ASAH1: variants seen among roughly 807,000 people sequenced by gnomAD.
ASAH1 encodes the protein N-acylsphingosine amidohydrolase 1.
A neutral mutation model predicts 59.5 loss-of-function variants in ASAH1; 70 were observed. The ratio of observed to expected loss-of-function variants is 1.18; its 90% CI spans 0.97 to 1.43. ASAH1 has a LOEUF of 1.43. Ranked by LOEUF, ASAH1 falls within the 40% of genes most tolerant of loss-of-function variation. ASAH1 has a pLI of 0.00. For synonymous variants in ASAH1, 213 were observed against 166.5 expected, an observed-to-expected ratio of 1.28 and a Z score of -2.15; for missense variants, 660 against 482.5, an observed-to-expected ratio of 1.37 and a Z score of -3.45.
At chr8:18,084,614 A>G (rs1800818870), upstream of ASAH1, 2 of 1,606,266 alleles carry the variant, frequency 1.2e-6, no homozygotes, top group African/African-American at 2.7e-5. Context: ...GGAGCAGTTG[A>G]GTGGCCGAGG....
intron 1 of ASAH1, among the ~76,000 whole-genome samples, chr8:18,082,759 C>T (rs1444309037): frequency 6.6e-6 from 1 of 152,126 alleles, no homozygotes. Flanking sequence ...TCAAAGAACA[C>T]TAAACCCAAT....
At position 18,062,267 on chromosome 8, in the gene ASAH1, C is replaced by G. The variant is rs1432717481; in HGVS notation, c.648+12G>C. 1.2e-6 allele frequency: 2 copies of G among 1,614,030 alleles called. No homozygotes were observed. Among genetic ancestry groups the G allele is most frequent in the African/African-American group, 2.7e-5 (2 of 74,916 alleles). On this transcript the variant is annotated intron_variant, in intron 8 of 13. Transcript: ENST00000637790. ...GGCTACCTGTATAATTATGTAACAA[C>G]AGACTCCTTACTGGTTTGAATCCTG...
intron 6 of ASAH1, 126 bp from the exon 7 acceptor site, chr8:18,063,356 T>A: frequency 1.1e-6 from 1 of 874,192 alleles, no homozygotes; most frequent in Non-Finnish European, 1.9e-6. Flanking sequence ...CAGACTGGAG[T>A]GCAGTGGTGC....
At chr8:18,075,705 C>A (rs1006731021) in intron 1 of ASAH1, 118 bp from the exon 2 acceptor site, 2 of 843,458 alleles carry the variant, frequency 2.4e-6, no homozygotes, top group South Asian at 1.4e-5. Flanking sequence ...CTCTTTTATA[C>A]GTTTCAATGC....
chr8:18,083,744 G>A (rs896767373), intron 1 of ASAH1, among the ~76,000 whole-genome samples: 1 of 152,242 alleles, frequency 6.6e-6, no homozygotes, highest in Non-Finnish European at 1.5e-5. Flanking sequence ...CAGGTATCCT[G>A]CAGAGACTAG....
intron 6 of ASAH1, 29 bp downstream of exon 6, chr8:18,064,428 C>T (rs747039891): frequency 1.5e-5 from 21 of 1,427,842 alleles, no homozygotes; most frequent in Non-Finnish European, 1.6e-5. Flanking sequence ...GTGCTTCATG[C>T]TGCCCACCCT....
chr8:18,069,112 G>A (rs1800051364), intron 4 of ASAH1, among the ~76,000 whole-genome samples: 1 of 142,234 alleles, frequency 7.0e-6, no homozygotes, highest in Admixed American at 7.4e-5. Flanking sequence ...GTGCACTCCA[G>A]CCTGGGCTAC....
Position 18,056,284 on chromosome 8 carries a change from G to C in ASAH1, c.*1250C>G, listed in dbSNP as rs1374232657. On this transcript the variant is annotated 3_prime_UTR_variant, in exon 14 of 14. Coordinates refer to ENST00000637790, the MANE Select transcript of ASAH1 (RefSeq NM_177924.5). Reference sequence around the variant, plus strand: ...CTGGTTAAGAGGTGGTATCAGTCATGTAAGAGTAAGATTGTGACCGTTTAG... The same window carrying C: ...CTGGTTAAGAGGTGGTATCAGTCATCTAAGAGTAAGATTGTGACCGTTTAG... 6.6e-6 allele frequency: 1 copy of C among 152,186 alleles called. No individual in the cohort carries two copies. Among genetic ancestry groups the C allele is most frequent in the African/African-American group, 2.4e-5 (1 of 41,444 alleles). The allele number at this position is 152,186 out of a possible 1,614,324, so 9.4% of individuals were successfully genotyped here. A position where few individuals can be genotyped will look rare whatever the true frequency, so the allele number is the denominator to read the frequency against.
intron 7 of ASAH1, 182 bp from the exon 8 acceptor site, chr8:18,062,605 A>C (rs1162075042): frequency 6.0e-6 from 4 of 671,696 alleles, no homozygotes; most frequent in Non-Finnish European, 1.0e-5. Context: ...TGAGGTTCAG[A>C]GAAGTCAGGT....
intron 7 of ASAH1, chr8:18,062,933 C>T (rs183435272): frequency 9.4e-6 from 4 of 426,024 alleles, no homozygotes; most frequent in African/African-American, 2.1e-5. Context: ...TGCAGTGGCG[C>T]GATCTCGGCT....
intron 1 of ASAH1, among the ~76,000 whole-genome samples, chr8:18,079,295 A>AAAT (rs1800550094): frequency 6.6e-5 from 10 of 150,466 alleles, no homozygotes; most frequent in Admixed American, 6.6e-5. Context: ...AAAACAAAAA[A>AAAT]CTCTCTGGAA....
chr8:18,084,408 C>CGTGGCGCCTCGAT (rs1451406300), upstream of ASAH1: 145 of 1,393,126 alleles, frequency 1.0e-4, no homozygotes, highest in Non-Finnish European at 1.3e-4. Context: ...GAGCTTCACC[C>CGTGGCGCCTCGAT]GTGGCGCCTC....
At chr8:18,060,941 C>T (rs1275390200) in intron 10 of ASAH1, 9 of 174,288 alleles carry the variant, frequency 5.2e-5, no homozygotes, top group Non-Finnish European at 9.8e-5. Flanking sequence ...TTTATAGAGA[C>T]GGGGTTTCGC....
chr8:18,065,448 A>G (rs1054107732), intron 5 of ASAH1: 1 of 152,262 alleles, frequency 6.6e-6, no homozygotes, highest in East Asian at 1.9e-4. Flanking sequence ...CAAATTCTCA[A>G]TCATCTCATA....
At chr8:18,080,953 A>G (rs2117097245) in intron 1 of ASAH1, among the ~76,000 whole-genome samples, 1 of 152,150 alleles carries the variant, frequency 6.6e-6, no homozygotes, top group Admixed American at 6.5e-5. Context: ...CTCTTTCTCT[A>G]TCCTATTTCT....
intron 1 of ASAH1, among the ~76,000 whole-genome samples, chr8:18,077,253 C>T (rs1800441987): frequency 6.6e-6 from 1 of 152,170 alleles, no homozygotes; most frequent in South Asian, 2.1e-4. Context: ...CCAATATTTT[C>T]CACAAAATAT....
intron 1 of ASAH1, among the ~76,000 whole-genome samples, chr8:18,077,379 C>A (rs1430776053): frequency 6.6e-6 from 1 of 152,214 alleles, no homozygotes; most frequent in Non-Finnish European, 1.5e-5. Context: ...TTACTACTGT[C>A]AATTTTTATA....
intron 13 of ASAH1, chr8:18,058,471 C>A: frequency 4.7e-6 from 1 of 210,714 alleles, no homozygotes; most frequent in Non-Finnish European, 9.5e-6. Flanking sequence ...AAACCCGAAC[C>A]CACCAAGACA....
At chr8:18,084,419 G>A (rs1800809339), upstream of ASAH1, 3 of 1,377,320 alleles carry the variant, frequency 2.2e-6, no homozygotes, top group African/African-American at 1.5e-5. Context: ...GTGGCGCCTC[G>A]ATGGGGCGCC....
Sources: allele counts gnomAD v4.1 joint callset (sites outside exome capture counted in the v4.1 genomes callset), GRCh38; gene constraint gnomAD v4.1.1; transcripts MANE v1.5; gene names NCBI Gene and HGNC (gene_info 2026-07-23, HGNC 2026-07-21).